The following DNAH9 variants were observed in gnomAD, a reference collection of about 807,000 sequenced individuals.
DNAH9 encodes the protein dynein axonemal heavy chain 9, also known as DNAH9 variant protein.
In DNAH9, 345 loss-of-function variants were observed where a neutral mutation model predicts 471.6. That is an observed-to-expected ratio of 0.73 (90% CI 0.67 to 0.80). The LOEUF is 0.80. DNAH9 is among the 30% of genes least tolerant of loss of function. The pLI is 0.00. For missense variants in DNAH9, 5,407 were observed against 5,609.2 expected (o/e 0.96, Z 1.15); for synonymous variants, 2,093 against 2,123.6 (o/e 0.99, Z 0.40).
intron 16 of DNAH9, 32 bp from the exon 17 acceptor site, chr17:11,669,338 G>A (rs1349569140): frequency 1.2e-6 from 2 of 1,600,808 alleles, no homozygotes; most frequent in East Asian, 2.2e-5. Flanking sequence ...ACACACTGGT[G>A]TAACCTGCCT....
intron 26 of DNAH9, among the ~76,000 whole-genome samples, chr17:11,717,534 C>T (rs1000523792): frequency 7.2e-5 from 11 of 152,208 alleles, no homozygotes; most frequent in African/African-American, 2.4e-4. Flanking sequence ...TAATTTTGGA[C>T]ACCCCCTCAC....
At chr17:11,869,719 C>T (rs941782219) in intron 51 of DNAH9, among the ~76,000 whole-genome samples, 1 of 152,224 alleles carries the variant, frequency 6.6e-6, no homozygotes, top group African/African-American at 2.4e-5. Flanking sequence ...TACACACATG[C>T]TCCGGCCTTC....
intron 32 of DNAH9, among the ~76,000 whole-genome samples, chr17:11,751,913 A>G (rs867625058): frequency 8.5e-5 from 13 of 152,204 alleles, no homozygotes; most frequent in African/African-American, 2.9e-4. Context: ...CATAAAATAA[A>G]TACACAAAAT....
chr17:11,894,410 T>C lies in DNAH9; in HGVS notation c.11320T>C (p.Leu3774=), dbSNP rs1350090134. Residue 3774 remains leucine (L), a synonymous_variant, in exon 59 of 69, where the codon TTG becomes CTG. Transcript: ENST00000262442. ...LMNREVNAVE[L]DFLLRSPVQT... The stretch of plus-strand genomic sequence containing the variant: ...GAACCGAGAAGTCAATGCAGTGGAG[T>C]TGGATTTCCTGCTTCGATCTCCAGT... 10 of 1,613,824 alleles carry C rather than the reference T, an allele frequency of 6.2e-6. No homozygotes were observed. The highest frequency in any genetic ancestry group is 3.3e-5 in the Admixed American group (2 of 59,974).
At chr17:11,686,103 A>G (rs1186433132) in intron 19 of DNAH9, among the ~76,000 whole-genome samples, 1 of 152,036 alleles carries the variant, frequency 6.6e-6, no homozygotes, top group Non-Finnish European at 1.5e-5. Context: ...GTTGAGTTTT[A>G]TGCTACCTGG....
chr17:11,666,780 G>A (rs16945160), intron 15 of DNAH9, among the ~76,000 whole-genome samples: 2,116 of 152,280 alleles, frequency 0.014, 58 homozygotes, highest in African/African-American at 0.049. Context: ...AAAGCCACAG[G>A]ATGGAAGGAA....
chr17:11,758,112 C>G (rs570764523), intron 35 of DNAH9, among the ~76,000 whole-genome samples: 1 of 152,132 alleles, frequency 6.6e-6, no homozygotes. Context: ...GGGGCCCACT[C>G]CCCGTCCCTG....
chr17:11,894,617 A>G (rs907917995), intron 59 of DNAH9, 121 bp downstream of exon 59: 9 of 1,325,076 alleles, frequency 6.8e-6, no homozygotes, highest in African/African-American at 2.9e-5. Flanking sequence ...TGTGTTAAAC[A>G]TAGGCGCATC....
chr17:11,944,487 T>G (rs1219442111), intron 67 of DNAH9, among the ~76,000 whole-genome samples: 1 of 152,038 alleles, frequency 6.6e-6, no homozygotes, highest in African/African-American at 2.4e-5. Context: ...CACGGTCTGT[T>G]CTCAGAGTTA....
Position 11,699,846 on chromosome 17 carries a change from A to G in DNAH9, c.4988A>G (p.Tyr1663Cys). ...GGCATGTACAGCAAAGAAGAGGAGTATGTGGCTTTCAGTGAGCCCTGTGAC... is the reference window on the plus strand; with the variant it reads ...GGCATGTACAGCAAAGAAGAGGAGTGTGTGGCTTTCAGTGAGCCCTGTGAC... ...SLGMYSKEEE[Y>C]VAFSEPCDCS... is the part of the protein sequence containing the mutation. The change falls in exon 23 of 69, where the codon TAT becomes TGT. Residue 1663 changes from tyrosine (Y) to cysteine (C), a missense_variant. Physicochemically the swap from Tyr to Cys is radical, Grantham distance 194 (BLOSUM62 -2). Transcript: ENST00000262442. 2 of 1,614,224 alleles carry G rather than the reference A, an allele frequency of 1.2e-6. No homozygotes were observed. The highest frequency in any genetic ancestry group is 1.7e-6 in the Non-Finnish European group (2 of 1,180,026).
Position 11,932,154 on chromosome 17 carries a change from CCTCACTAT to C in DNAH9, c.12250_12257del (p.Thr4084CysfsTer17). Reference sequence around the variant, plus strand: ...GCTCATACCCCTTTAACACTGGAGACCTCACTATCTCTGTGAATGTCCTCTACAACTTC... The same window carrying C: ...GCTCATACCCCTTTAACACTGGAGACCTCTGTGAATGTCCTCTACAACTTC... On this transcript the variant is annotated frameshift_variant, in exon 64 of 69. Coordinates refer to ENST00000262442, the MANE Select transcript of DNAH9 (RefSeq NM_001372.4). LOFTEE classifies it high-confidence loss of function. This position sits in a 1 kb window ranked among gnomAD's most constrained non-coding sequence, Gnocchi z 4.3. 6.2e-7 allele frequency: 1 copy of C among 1,614,112 alleles called. No homozygotes were observed. Among genetic ancestry groups the C allele is most frequent in the Non-Finnish European group, 8.5e-7 (1 of 1,180,038 alleles).
chr17:11,636,885 ATTCTC>A, intron 9 of DNAH9, 101 bp downstream of exon 9: 2 of 1,111,256 alleles, frequency 1.8e-6, no homozygotes, highest in Admixed American at 4.1e-5. Flanking sequence ...GGATCCATAC[ATTCTC>A]AAAAAAGAGC....
At chr17:11,692,432 T>G (rs1459400347) in intron 20 of DNAH9, among the ~76,000 whole-genome samples, 1 of 152,224 alleles carries the variant, frequency 6.6e-6, no homozygotes, top group African/African-American at 2.4e-5. Context: ...TCAATGATAC[T>G]GTGAGTGTGT....
At chr17:11,813,648 T>G (rs1820761639) in intron 45 of DNAH9, among the ~76,000 whole-genome samples, 1 of 152,212 alleles carries the variant, frequency 6.6e-6, no homozygotes, top group Admixed American at 6.5e-5. Context: ...AACATCTCCC[T>G]TGGAAAACCA....
chr17:11,662,374 C>A (rs1272235822), intron 14 of DNAH9, among the ~76,000 whole-genome samples: 2 of 152,074 alleles, frequency 1.3e-5, no homozygotes, highest in African/African-American at 4.8e-5. Flanking sequence ...TTCTTATCTA[C>A]TAATTTCAAT....
chr17:11,816,563 A>AT (rs1372854861), intron 45 of DNAH9, among the ~76,000 whole-genome samples: 2 of 151,920 alleles, frequency 1.3e-5, no homozygotes, highest in Non-Finnish European at 2.9e-5. Flanking sequence ...GAATAGGGAA[A>AT]TTTTTTTTTA....
At chr17:11,771,394 G>A (rs1248863775) in intron 38 of DNAH9, among the ~76,000 whole-genome samples, 1 of 152,184 alleles carries the variant, frequency 6.6e-6, no homozygotes, top group African/African-American at 2.4e-5. Context: ...CTCCCAAAGT[G>A]CTGGGATTAC....
At chr17:11,835,787 A>G (rs543662974) in intron 49 of DNAH9, among the ~76,000 whole-genome samples, 1 of 152,066 alleles carries the variant, frequency 6.6e-6, no homozygotes, top group Non-Finnish European at 1.5e-5. Flanking sequence ...TCTTCCTTCA[A>G]ATGAAACACT....
intron 20 of DNAH9, 51 bp from the exon 21 acceptor site, chr17:11,693,817 C>T: frequency 6.2e-7 from 1 of 1,609,940 alleles, no homozygotes; most frequent in Non-Finnish European, 8.5e-7. Flanking sequence ...GAGGGAGCTT[C>T]TAGGAACTGA....
Sources: gnomAD v4.1 joint callset for allele counts (sites outside exome capture counted in the v4.1 genomes callset) on GRCh38, gnomAD v4.1.1 for gene constraint, Gnocchi (gnomAD v3.1) non-coding constraint, MANE v1.5 for transcripts, NCBI Gene and HGNC (gene_info 2026-07-23, HGNC 2026-07-21) for gene names.